The following CTNND2 variants were observed in gnomAD, a reference collection of about 807,000 sequenced individuals.
CTNND2 encodes catenin delta-2.
Under a neutral mutation model 144.4 loss-of-function variants are expected in CTNND2, and 22 were observed. The observed-to-expected ratio is 0.15, with a 90% CI of 0.11 to 0.22. CTNND2 has a LOEUF of 0.22. CTNND2 is among the 10% of genes least tolerant of loss of function. The pLI is 1.00. For missense variants in CTNND2, 1,353 were observed against 1,618.8 expected, an observed-to-expected ratio of 0.84 and a Z score of 2.82; for synonymous variants, 751 against 695.6, an observed-to-expected ratio of 1.08 and a Z score of -1.25.
chr5:11,883,779 T>G (rs556489031), intron 1 of CTNND2, among the ~76,000 whole-genome samples: 3 of 152,240 alleles, frequency 2.0e-5, no homozygotes, highest in African/African-American at 7.2e-5. Context: ...ATGGTTGAAC[T>G]AATTTACACT....
chr5:11,269,601 T>C (rs1425498070), intron 9 of CTNND2, among the ~76,000 whole-genome samples: 1 of 152,186 alleles, frequency 6.6e-6, no homozygotes, highest in Non-Finnish European at 1.5e-5. Flanking sequence ...CTATGTTTAA[T>C]ATAAAGAAAT....
chr5:11,232,371 G>A (rs1741126890), intron 10 of CTNND2, among the ~76,000 whole-genome samples: 1 of 152,226 alleles, frequency 6.6e-6, no homozygotes, highest in South Asian at 2.1e-4. Flanking sequence ...CTGGGAGTGG[G>A]GCTGTACCCT....
intron 3 of CTNND2, among the ~76,000 whole-genome samples, chr5:11,527,427 AC>A (rs1773354442): frequency 6.6e-6 from 1 of 152,054 alleles, no homozygotes; most frequent in African/African-American, 2.4e-5. Context: ...TGCATCCCGC[AC>A]AAGGCCTTCT....
At chr5:11,047,586 T>A (rs2149576828) in intron 16 of CTNND2, among the ~76,000 whole-genome samples, 1 of 152,216 alleles carries the variant, frequency 6.6e-6, no homozygotes, top group Non-Finnish European at 1.5e-5. Flanking sequence ...TATCAGCAGG[T>A]CAATAAAAAC....
At chr5:11,652,172 C>T (rs1286338011) in intron 2 of CTNND2, among the ~76,000 whole-genome samples, 1 of 152,122 alleles carries the variant, frequency 6.6e-6, no homozygotes, top group African/African-American at 2.4e-5. Flanking sequence ...AGATGGACTT[C>T]CCCCGTGCTA....
At position 11,572,543 on chromosome 5, in the gene CTNND2, T is replaced by C. The variant is rs184680143; in HGVS notation, c.175-7487A>G. Reference sequence around the variant, plus strand: ...TCCTGCTGGTGGCTCCACTGGATGGTAGGTTGGGCCTATTAGATGACATCC... The same window carrying C: ...TCCTGCTGGTGGCTCCACTGGATGGCAGGTTGGGCCTATTAGATGACATCC... On this transcript the variant is annotated intron_variant, in intron 2 of 21. Transcript: ENST00000304623. Among the ~76,000 whole-genome samples the C allele has an allele frequency of 2.0e-3, 309 of 152,256 alleles. 3 individuals carry two copies. The highest frequency in any genetic ancestry group is 9.1e-4 in the Non-Finnish European group (62 of 68,010).
intron 1 of CTNND2, among the ~76,000 whole-genome samples, chr5:11,747,672 T>C (rs531079894): frequency 1.3e-5 from 2 of 152,276 alleles, no homozygotes; most frequent in South Asian, 4.1e-4. Context: ...CCAGCTTAGA[T>C]TCCCTATTTA....
In CTNND2 at chr5:11,663,374, T is replaced by C. The variant is rs186051962; in HGVS notation, c.174+68762A>G. Among the ~76,000 whole-genome samples, 262 of 152,294 alleles carry C rather than the reference T, an allele frequency of 1.7e-3. 1 individual carries two copies. Among genetic ancestry groups the C allele is most frequent in the Middle Eastern group, 0.01 (3 of 294 alleles). ...CCTATCTGCAATCAACATTTTAATA[T>C]ATACAGCCTGTCAATAAGTACAGCG... On this transcript the variant is annotated intron_variant, in intron 2 of 21. Transcript: ENST00000304623.
At chr5:11,345,880 T>G (rs201678326) in intron 9 of CTNND2, among the ~76,000 whole-genome samples, 3,105 of 152,260 alleles carry the variant, frequency 0.02, 221 homozygotes, top group East Asian at 0.16. Context: ...TTAAACAACT[T>G]CATCCTAATG....
chr5:11,507,217 T>C (rs1051569613), intron 3 of CTNND2, among the ~76,000 whole-genome samples: 7 of 152,160 alleles, frequency 4.6e-5, no homozygotes, highest in Non-Finnish European at 1.0e-4. Flanking sequence ...TACATAATAA[T>C]GGCTTTAAAT....
At chr5:11,313,721 C>G (rs749317865) in intron 9 of CTNND2, among the ~76,000 whole-genome samples, 1 of 152,048 alleles carries the variant, frequency 6.6e-6, no homozygotes, top group Non-Finnish European at 1.5e-5. Flanking sequence ...AATTTGCAAC[C>G]GGTAATTGCA....
intron 18 of CTNND2, among the ~76,000 whole-genome samples, chr5:11,014,917 C>G (rs1430697397): frequency 6.6e-6 from 1 of 152,158 alleles, no homozygotes; most frequent in Non-Finnish European, 1.5e-5. Flanking sequence ...CCATAAATGC[C>G]TCTCCAGATT....
chr5:11,837,474 G>A (rs1462569613), intron 1 of CTNND2, among the ~76,000 whole-genome samples: 2 of 152,180 alleles, frequency 1.3e-5, no homozygotes, highest in Non-Finnish European at 1.5e-5. Context: ...AACTGGTAAG[G>A]GCTTGTGAGC....
In CTNND2 at chr5:11,636,234, G is replaced by T. The variant is rs577660725; in HGVS notation, c.175-71178C>A. On this transcript the variant is annotated intron_variant, in intron 2 of 21. Transcript: ENST00000304623. Reference sequence around the variant, plus strand: ...TAAGCTGTTTCTCAGTTGGCTATAGGATATAGCTATAACTATTGCCAATCT... The same window carrying T: ...TAAGCTGTTTCTCAGTTGGCTATAGTATATAGCTATAACTATTGCCAATCT... Among the ~76,000 whole-genome samples, 86 of 152,184 alleles carry T rather than the reference G, an allele frequency of 5.7e-4. 1 individual carries two copies. Among genetic ancestry groups the T allele is most frequent in the Admixed American group, 1.6e-3 (24 of 15,264 alleles).
chr5:11,751,034 C>CT (rs1389952391), intron 1 of CTNND2, among the ~76,000 whole-genome samples: 2 of 151,790 alleles, frequency 1.3e-5, no homozygotes, highest in East Asian at 1.9e-4. Context: ...ATTTAGTAGA[C>CT]TTTTTTATAT....
chr5:11,575,183 T>C (rs1348840224), intron 2 of CTNND2, among the ~76,000 whole-genome samples: 1 of 152,222 alleles, frequency 6.6e-6, no homozygotes, highest in African/African-American at 2.4e-5. Context: ...CTGGACCATA[T>C]ATGCCTTGAT....
intron 2 of CTNND2, among the ~76,000 whole-genome samples, chr5:11,636,747 T>C (rs1393148956): frequency 1.3e-5 from 2 of 152,208 alleles, no homozygotes; most frequent in Non-Finnish European, 2.9e-5. Context: ...TGCAACCATT[T>C]GGAGCAGATC....
intron 15 of CTNND2, among the ~76,000 whole-genome samples, chr5:11,083,368 G>A (rs988665290): frequency 6.6e-6 from 1 of 152,178 alleles, no homozygotes; most frequent in African/African-American, 2.4e-5. Flanking sequence ...ATAGGCAGGG[G>A]TGGATAAATG....
At chr5:11,568,394 C>A (rs1007839109) in intron 2 of CTNND2, among the ~76,000 whole-genome samples, 1 of 152,148 alleles carries the variant, frequency 6.6e-6, no homozygotes, top group Non-Finnish European at 1.5e-5. Flanking sequence ...TACCTTACCC[C>A]AAGCCAAGGG....
Sources: gnomAD v4.1 joint callset for allele counts (sites outside exome capture counted in the v4.1 genomes callset) on GRCh38, gnomAD v4.1.1 for gene constraint, MANE v1.5 for transcripts, NCBI Gene and HGNC (gene_info 2026-07-23, HGNC 2026-07-21) for gene names.